The following DNM1L variants were observed in gnomAD, a reference collection of about 807,000 sequenced individuals.
DNM1L encodes dynamin-1-like protein.
In DNM1L, 33 loss-of-function variants were observed where a neutral mutation model predicts 92.8. The ratio of observed to expected loss-of-function variants is 0.36; its 90% CI spans 0.27 to 0.48. DNM1L has a LOEUF of 0.48. Among genes scored for constraint, DNM1L ranks in the 20% least tolerant of loss-of-function variants. The pLI, the probability that DNM1L is intolerant of heterozygous loss-of-function variation, is 0.99. For missense variants in DNM1L, 485 were observed against 888.8 expected (o/e 0.55, Z 5.78); for synonymous variants, 284 against 305.0 (o/e 0.93, Z 0.72).
chr12:32,713,450 AAAAAC>A, intron 6 of DNM1L, 79 bp downstream of exon 6: 1 of 1,452,348 alleles, frequency 6.9e-7, no homozygotes, highest in Non-Finnish European at 9.7e-7. Flanking sequence ...TTTTCTCTTT[AAAAAC>A]AGTATCTCTG....
intron 1 of DNM1L, among the ~76,000 whole-genome samples, chr12:32,682,313 G>A (rs1200902159): frequency 1.3e-5 from 2 of 152,046 alleles, no homozygotes; most frequent in Non-Finnish European, 2.9e-5. Context: ...TGTATTTTTA[G>A]TAGAGACAGA....
chr12:32,689,568 A>G (rs962784656), intron 1 of DNM1L, among the ~76,000 whole-genome samples: 1 of 152,240 alleles, frequency 6.6e-6, no homozygotes, highest in Non-Finnish European at 1.5e-5. Context: ...TAAGTGAAGC[A>G]AATATATAAG....
intron 9 of DNM1L, among the ~76,000 whole-genome samples, chr12:32,724,663 TA>T (rs988589498): frequency 2.3e-3 from 313 of 138,242 alleles, no homozygotes; most frequent in African/African-American, 7.2e-3. Flanking sequence ...AATATATATA[TA>T]AAAAATAATA....
chr12:32,683,165 C>T (rs1951870523), intron 1 of DNM1L, among the ~76,000 whole-genome samples: 1 of 152,156 alleles, frequency 6.6e-6, no homozygotes, highest in Non-Finnish European at 1.5e-5. Flanking sequence ...CCTTTTATTT[C>T]AGTGATTTCA....
intron 12 of DNM1L, chr12:32,732,615 G>T: frequency 4.4e-6 from 2 of 455,170 alleles, no homozygotes; most frequent in South Asian, 3.1e-5. Context: ...TGGAATGTAA[G>T]TGCTGCTGCT....
At chr12:32,707,126 A>G (rs1952957618) in intron 2 of DNM1L, 2 of 414,120 alleles carry the variant, frequency 4.8e-6, no homozygotes, top group Non-Finnish European at 8.6e-6. Flanking sequence ...ACCTGTGAGC[A>G]GCTCTGCCTG....
chr12:32,716,246 G>GA (rs1445200829), intron 6 of DNM1L, among the ~76,000 whole-genome samples: 12 of 151,752 alleles, frequency 7.9e-5, no homozygotes, highest in Non-Finnish European at 1.6e-4. Flanking sequence ...ATTTGGTGGG[G>GA]GGGGGTGGCA....
intron 6 of DNM1L, 147 bp from the exon 7 acceptor site, chr12:32,718,496 G>GGTAA: frequency 2.0e-6 from 2 of 998,108 alleles, no homozygotes; most frequent in Non-Finnish European, 3.0e-6. Context: ...AAAAAGCACT[G>GGTAA]GTAAGTAAGG....
chr12:32,707,358 T>G lies in DNM1L; in HGVS notation c.251-9T>G. The G allele has an allele frequency of 6.2e-7, 1 of 1,606,312 alleles. No individual in the cohort carries two copies. Among genetic ancestry groups the G allele is most frequent in the Non-Finnish European group, 8.5e-7 (1 of 1,176,662 alleles). The stretch of plus-strand genomic sequence containing the variant: ...TAGTTTCCAATAAATGAGTTTTTCT[T>G]TTTTCCAGGGGTGGAAGCAGAAGAA... On this transcript the variant is annotated splice_polypyrimidine_tract_variant and intron_variant, in intron 2 of 19. Coordinates refer to ENST00000549701, the MANE Select transcript of DNM1L (RefSeq NM_012062.5).
rs542824863 is a variant in DNM1L, at chr12:32,731,226, G to A, written c.1200+92G>A. 5 of 1,592,746 alleles carry A rather than the reference G, an allele frequency of 3.1e-6. No homozygotes were observed. In the Admixed American group the frequency reaches 6.9e-5, roughly 22 times the overall value. ...GTGTCTTTTTAAATTTAATTATACAGTTTATTTTGCTCTCATATTTGAAAT... is the reference window on the plus strand; with the variant it reads ...GTGTCTTTTTAAATTTAATTATACAATTTATTTTGCTCTCATATTTGAAAT... On this transcript the variant is annotated intron_variant, in intron 10 of 19. Transcript: ENST00000549701. This position sits in a 1 kb window ranked among gnomAD's most constrained non-coding sequence, Gnocchi z 5.1.
In DNM1L at chr12:32,708,161, G is replaced by C. The variant is rs760055468; in HGVS notation, c.306G>C (p.Thr102=). Residue 102 remains threonine (T), a synonymous_variant, in exon 4 of 20, where the codon ACG becomes ACC. Coordinates refer to ENST00000549701, the MANE Select transcript of DNM1L (RefSeq NM_012062.5). ...ATTTCAAAAATTTTTAGCTTTACAC[G>C]GATTTTGATGAAATTCGACAAGAAA... ...KFLHTKNKLY[T]DFDEIRQEIE... is the part of the protein sequence containing the mutation. The C allele has an allele frequency of 6.3e-7, 1 of 1,598,320 alleles. No homozygotes were observed. The highest frequency in any genetic ancestry group is 1.1e-5 in the South Asian group (1 of 90,126).
chr12:32,715,156 C>A (rs1213292700), intron 6 of DNM1L, among the ~76,000 whole-genome samples: 1 of 149,788 alleles, frequency 6.7e-6, no homozygotes, highest in Non-Finnish European at 1.5e-5. Context: ...TGCAGTGGCA[C>A]AATCATGCCT....
intron 2 of DNM1L, chr12:32,706,049 G>T: frequency 2.1e-6 from 1 of 479,414 alleles, no homozygotes; most frequent in South Asian, 4.3e-5. Context: ...CTTTTTTGGT[G>T]GTGAATGTAA....
intron 2 of DNM1L, among the ~76,000 whole-genome samples, chr12:32,705,000 G>GTTTT (rs35375744): frequency 8.4e-5 from 10 of 118,876 alleles, no homozygotes; most frequent in Admixed American, 1.8e-4. Flanking sequence ...CTCAGGCAAA[G>GTTTT]TTTTTTTTTT....
At chr12:32,737,206 A>T in intron 14 of DNM1L, 45 bp downstream of exon 14, 1 of 1,594,150 alleles carries the variant, frequency 6.3e-7, no homozygotes, top group Non-Finnish European at 8.6e-7. Context: ...CTAAAGATAG[A>T]TTGATGAGCT....
At chr12:32,728,329 G>C (rs1954290042) in intron 9 of DNM1L, 1 of 152,200 alleles carries the variant, frequency 6.6e-6, no homozygotes, top group Non-Finnish European at 1.5e-5. Flanking sequence ...TTGGTTATAT[G>C]TACGGCATAT....
chr12:32,704,912 G>A lies in DNM1L; in HGVS notation c.251-2455G>A, dbSNP rs553717153. ...TATACTTACCAACTTTTAAGGTTTT[G>A]AAAGATGTATTTAGTATATTTTGTA... On this transcript the variant is annotated intron_variant, in intron 2 of 19. Coordinates refer to ENST00000549701, the MANE Select transcript of DNM1L (RefSeq NM_012062.5). 3.7e-4 allele frequency among the ~76,000 whole-genome samples: 56 copies of A among 151,310 alleles called. 1 individual carries two copies. The South Asian group carries it at 5.7e-3, about 15-fold the overall frequency.
intron 19 of DNM1L, among the ~76,000 whole-genome samples, chr12:32,743,128 C>T (rs1955432789): frequency 6.6e-6 from 1 of 151,568 alleles, no homozygotes; most frequent in Non-Finnish European, 1.5e-5. Context: ...AACTCCTGAC[C>T]TCATGATCCG....
At chr12:32,710,084 A>T (rs1341177757) in intron 4 of DNM1L, among the ~76,000 whole-genome samples, 2 of 152,210 alleles carry the variant, frequency 1.3e-5, no homozygotes, top group Non-Finnish European at 2.9e-5. Context: ...TTTTACATGT[A>T]GTTGATTCAA....
Sources: gnomAD v4.1 joint callset for allele counts (sites outside exome capture counted in the v4.1 genomes callset) on GRCh38, gnomAD v4.1.1 for gene constraint, Gnocchi (gnomAD v3.1) non-coding constraint, MANE v1.5 for transcripts, NCBI Gene and HGNC (gene_info 2026-07-23, HGNC 2026-07-21) for gene names.